The following FER variants were observed in gnomAD, a reference collection of about 807,000 sequenced individuals.
FER encodes the protein FER tyrosine kinase, also known as tyrosine-protein kinase Fer.
Under a neutral mutation model 111.0 loss-of-function variants are expected in FER, and 63 were observed. The ratio of observed to expected loss-of-function variants is 0.57; its 90% CI spans 0.46 to 0.70. FER has a LOEUF of 0.70. Ranked by LOEUF, FER falls within the 30% of genes least tolerant of loss-of-function variation. FER has a pLI of 0.00. For synonymous variants in FER, 327 were observed against 313.9 expected (o/e 1.04, Z -0.44); for missense variants, 914 against 954.0 (o/e 0.96, Z 0.55).
chr5:109,037,449 G>A lies in FER; in HGVS notation c.1684G>A (p.Asp562Asn), dbSNP rs748902706. The change falls in exon 14 of 20, where the codon GAT becomes AAT. Residue 562 changes from aspartate to asparagine, a missense_variant. Asp to Asn is a conservative substitution (Grantham distance 23). Coordinates refer to ENST00000281092, the MANE Select transcript of FER (RefSeq NM_005246.4). ...CAAGAAATGGATTCTCAGTCATGAA[G>A]ATGTCATATTGGGAGAATTACTGGG... ...KDKKWILSHE[D>N]VILGELLGKG... The A allele has an allele frequency of 5.6e-6, 9 of 1,612,116 alleles. No individual in the cohort carries two copies. Among genetic ancestry groups the A allele is most frequent in the Admixed American group, 1.7e-5 (1 of 59,950 alleles).
chr5:109,158,392 G>T (rs1051171098), intron 17 of FER, among the ~76,000 whole-genome samples: 1 of 151,978 alleles, frequency 6.6e-6, no homozygotes, highest in Non-Finnish European at 1.5e-5. Context: ...GACAGAGTGA[G>T]ACACTGTCTC....
At chr5:108,802,030 CGGT>C (rs1174410561) in intron 3 of FER, among the ~76,000 whole-genome samples, 1 of 152,104 alleles carries the variant, frequency 6.6e-6, no homozygotes, top group African/African-American at 2.4e-5. Flanking sequence ...CTACTCAGAG[CGGT>C]GTCACCTTAA....
At chr5:109,160,986 C>T (rs1428497263) in intron 17 of FER, among the ~76,000 whole-genome samples, 1 of 152,126 alleles carries the variant, frequency 6.6e-6, no homozygotes, top group Non-Finnish European at 1.5e-5. Context: ...AGCATAATGA[C>T]CTTTTTTCAA....
At chr5:108,803,598 C>A (rs1756899560) in intron 3 of FER, among the ~76,000 whole-genome samples, 1 of 151,782 alleles carries the variant, frequency 6.6e-6, no homozygotes, top group South Asian at 2.1e-4. Flanking sequence ...GGAGTTCTTT[C>A]CCTGTTGCTT....
chr5:108,920,753 T>G (rs755092412), intron 10 of FER, among the ~76,000 whole-genome samples: 1 of 152,206 alleles, frequency 6.6e-6, no homozygotes, highest in Non-Finnish European at 1.5e-5. Flanking sequence ...AAATTTTATT[T>G]TCTGTATAAT....
At chr5:108,766,967 G>T (rs1027247333) in intron 1 of FER, among the ~76,000 whole-genome samples, 1 of 152,154 alleles carries the variant, frequency 6.6e-6, no homozygotes, top group Middle Eastern at 3.2e-3. Context: ...ACTGAAGGGA[G>T]AACAGCCAAT....
intron 2 of FER, among the ~76,000 whole-genome samples, chr5:108,772,014 AG>A (rs1752951237): frequency 6.6e-6 from 1 of 152,168 alleles, no homozygotes; most frequent in Non-Finnish European, 1.5e-5. Context: ...AGACACCAGC[AG>A]GTTTAGTGTC....
intron 3 of FER, chr5:108,819,751 G>A (rs1464040763): frequency 2.4e-5 from 23 of 972,586 alleles, no homozygotes; most frequent in Non-Finnish European, 2.6e-5. Flanking sequence ...GAGAAAAAAA[G>A]CATTTTTTTA....
At chr5:109,055,209 T>C (rs1773460790) in intron 16 of FER, among the ~76,000 whole-genome samples, 1 of 152,056 alleles carries the variant, frequency 6.6e-6, no homozygotes, top group Non-Finnish European at 1.5e-5. Context: ...ACAATAAAAT[T>C]CCTAGAAGAG....
chr5:109,055,810 C>T (rs188850692), intron 16 of FER, among the ~76,000 whole-genome samples: 1 of 107,722 alleles, frequency 9.3e-6, no homozygotes. Flanking sequence ...AAAAAAAAAT[C>T]ACATACAACT....
At chr5:108,873,809 A>C (rs892479145) in intron 8 of FER, among the ~76,000 whole-genome samples, 3 of 152,192 alleles carry the variant, frequency 2.0e-5, no homozygotes, top group Non-Finnish European at 2.9e-5. Context: ...TAAACGTCCT[A>C]CAGTGCACAG....
chr5:108,748,851 C>A (rs998538697), intron 1 of FER: 2 of 152,892 alleles, frequency 1.3e-5, no homozygotes, highest in Non-Finnish European at 2.9e-5. Context: ...TGGCTGAGGC[C>A]TCGAGGGTGC....
rs914480081 is a variant in FER at position 108,924,605 on chromosome 5, G to T, written c.1237-21525G>T. On this transcript the variant is annotated intron_variant, in intron 10 of 19. Transcript: ENST00000281092. ...GCTTTTGCCTCACACAGGAAGGTTT[G>T]TTGGTAAATTGACTTCCTTGGGCCC... is the stretch of plus-strand genomic sequence containing the variant. 28 of 1,230,770 alleles carry T rather than the reference G, an allele frequency of 2.3e-5. No homozygotes were observed. In the East Asian group the frequency reaches 8.2e-4, roughly 36 times the overall value. The allele number at this position is 1,230,770 out of a possible 1,614,324, so 76.2% of individuals were successfully genotyped here.
intron 1 of FER, among the ~76,000 whole-genome samples, chr5:108,757,680 C>T (rs936039295): frequency 6.6e-6 from 1 of 152,192 alleles, no homozygotes; most frequent in African/African-American, 2.4e-5. Flanking sequence ...TCCTCCATCC[C>T]TTCTGTCGCA....
At chr5:108,881,622 C>A (rs867715104) in intron 8 of FER, among the ~76,000 whole-genome samples, 2 of 152,084 alleles carry the variant, frequency 1.3e-5, no homozygotes, top group African/African-American at 4.8e-5. Context: ...GGCTGGGAAG[C>A]CCAAGATCAA....
chr5:109,135,708 T>C (rs1026410924), intron 17 of FER, among the ~76,000 whole-genome samples: 4 of 152,182 alleles, frequency 2.6e-5, no homozygotes, highest in African/African-American at 9.7e-5. Flanking sequence ...AAGCCTGTCT[T>C]ATTCCCATTT....
rs926801198 is a variant in FER, at chr5:109,194,844, G to C, written c.*7269G>C. On this transcript the variant is annotated 3_prime_UTR_variant, in exon 20 of 20. Transcript: ENST00000281092. ...GCTGTTGTCAAATAGTATAACCTTG[G>C]TGTCTTCTTTGAGTTGCCTGGACAG... is the stretch of plus-strand genomic sequence containing the variant. 1 of 151,630 alleles carries C rather than the reference G, an allele frequency of 6.6e-6. No individual in the cohort carries two copies. The highest frequency in any genetic ancestry group is 6.6e-5 in the Admixed American group (1 of 15,212). 9.4% of individuals were successfully genotyped at this position (151,630 alleles called of 1,614,324 possible).
Position 109,083,721 on chromosome 5 carries a change from T to C in FER, c.1925-16675T>C, listed in dbSNP as rs111541458. Among the ~76,000 whole-genome samples the C allele has an allele frequency of 2.0e-5, 3 of 152,076 alleles. 1 individual carries two copies. Among genetic ancestry groups the C allele is most frequent in the African/African-American group, 7.2e-5 (3 of 41,526 alleles). On this transcript the variant is annotated intron_variant, in intron 16 of 19. Coordinates refer to ENST00000281092, the MANE Select transcript of FER (RefSeq NM_005246.4). ...CCAGGCCATTTCTCAGGGATGTATC[T>C]TTAGTGAGCAACTCTGAAAGATGAA...
chr5:109,053,599 CT>C (rs1051362066), intron 16 of FER, among the ~76,000 whole-genome samples: 12 of 150,962 alleles, frequency 7.9e-5, no homozygotes, highest in Admixed American at 3.3e-4. Context: ...GCAGTAAGCA[CT>C]TTTTTTTCCA....
Sources: gnomAD v4.1 joint callset for allele counts (sites outside exome capture counted in the v4.1 genomes callset) on GRCh38, gnomAD v4.1.1 for gene constraint, MANE v1.5 for transcripts, NCBI Gene and HGNC (gene_info 2026-07-23, HGNC 2026-07-21) for gene names.